Variants in RNF8 observed in about 807,000 individuals in gnomAD.
RNF8 encodes E3 ubiquitin-protein ligase RNF8.
In RNF8, 8 loss-of-function variants were observed where a neutral mutation model predicts 59.3. The observed-to-expected ratio is 0.13, with a 90% CI of 0.08 to 0.24. RNF8 has a LOEUF of 0.24. Ranked by LOEUF, RNF8 falls within the 10% of genes least tolerant of loss-of-function variation. The pLI is 1.00. For synonymous variants in RNF8, 162 were observed against 200.0 expected (o/e 0.81, Z 1.60); for missense variants, 406 against 572.6 (o/e 0.71, Z 2.97).
chr6:37,356,982 G>A (rs564455600), intron 1 of RNF8, among the ~76,000 whole-genome samples: 92 of 152,302 alleles, frequency 6.0e-4, no homozygotes, highest in African/African-American at 2.0e-3. Context: ...CATGTGATCC[G>A]CCCGCCTGGG....
chr6:37,383,346 A>G (rs1366459044), intron 7 of RNF8, among the ~76,000 whole-genome samples: 1 of 152,164 alleles, frequency 6.6e-6, no homozygotes, highest in Non-Finnish European at 1.5e-5. Flanking sequence ...TTAAATACCA[A>G]CCTTCCTTCC....
chr6:37,356,275 C>A (rs901391855), intron 1 of RNF8, among the ~76,000 whole-genome samples: 3 of 152,146 alleles, frequency 2.0e-5, no homozygotes, highest in African/African-American at 7.2e-5. Flanking sequence ...AAGGTCAGGT[C>A]GTAGCATAGC....
chr6:37,381,687 A>G (rs937535886), intron 7 of RNF8, among the ~76,000 whole-genome samples: 2 of 152,188 alleles, frequency 1.3e-5, no homozygotes, highest in Admixed American at 1.3e-4. Flanking sequence ...TGTTGTCAAG[A>G]CACTTCAGTT....
chr6:37,369,257 G>GGT (rs773881639), intron 3 of RNF8, 39 bp downstream of exon 3: 1 of 1,538,428 alleles, frequency 6.5e-7, no homozygotes, highest in Non-Finnish European at 8.7e-7. Context: ...GGTCTTCAGG[G>GGT]GTGGGGCAGG....
At chr6:37,377,627 A>G (rs1389012664) in intron 6 of RNF8, among the ~76,000 whole-genome samples, 1 of 152,164 alleles carries the variant, frequency 6.6e-6, no homozygotes, top group African/African-American at 2.4e-5. Flanking sequence ...TGAAGCCTTT[A>G]TCTCTTTGTT....
rs555004277 is a variant in RNF8, at chr6:37,388,067, TTAGTCTGGCTG to T, written c.1442-2670_1442-2660del. Among the ~76,000 whole-genome samples, 5 of 152,214 alleles carry T rather than the reference TTAGTCTGGCTG, an allele frequency of 3.3e-5. No individual in the cohort carries two copies. The South Asian group carries it at 1.0e-3, about 32-fold the overall frequency. On this transcript the variant is annotated intron_variant, in intron 7 of 7. Transcript: ENST00000373479. ...TGATGTTTGTGTTTTTCTGGATAGG[TTAGTCTGGCTG>T]TAGTGAAGAGACGACATGGTGCTGG...
chr6:37,361,711 C>T (rs1032460532), intron 2 of RNF8, among the ~76,000 whole-genome samples: 8 of 152,182 alleles, frequency 5.3e-5, no homozygotes, highest in South Asian at 2.1e-4. Context: ...CCTCATATTG[C>T]GTGCATAAAA....
intron 7 of RNF8, among the ~76,000 whole-genome samples, chr6:37,385,984 G>A (rs1211614108): frequency 1.3e-5 from 2 of 151,464 alleles, no homozygotes; most frequent in Non-Finnish European, 2.9e-5. Flanking sequence ...ACAGGCATGT[G>A]CCACCACACC....
chr6:37,371,487 C>T (rs1769803895), intron 3 of RNF8, 25 bp from the exon 4 acceptor site: 2 of 1,608,516 alleles, frequency 1.2e-6, no homozygotes, highest in Non-Finnish European at 1.7e-6. Flanking sequence ...GCAGAGAAAC[C>T]TTCCATTTTG....
intron 7 of RNF8, among the ~76,000 whole-genome samples, chr6:37,382,761 C>T (rs1470807125): frequency 1.3e-5 from 2 of 152,100 alleles, no homozygotes; most frequent in African/African-American, 4.8e-5. Flanking sequence ...GGGCAGATCA[C>T]GAAGTCAGGA....
intron 6 of RNF8, among the ~76,000 whole-genome samples, chr6:37,378,600 C>CAAAAAA (rs554259061): frequency 1.2e-4 from 7 of 56,518 alleles, no homozygotes; most frequent in Admixed American, 1.9e-4. Context: ...GACTCCGTCT[C>CAAAAAA]AAAAAAAAAA....
intron 7 of RNF8, among the ~76,000 whole-genome samples, chr6:37,382,404 T>C (rs1040119614): frequency 1.3e-5 from 2 of 152,342 alleles, no homozygotes; most frequent in African/African-American, 2.4e-5. Flanking sequence ...AGCAGTGACC[T>C]GTCCTGCCCC....
intron 1 of RNF8, chr6:37,359,343 G>T (rs1013156047): frequency 5.6e-6 from 2 of 354,926 alleles, no homozygotes; most frequent in Admixed American, 7.8e-5. Flanking sequence ...CTGGCTGAAG[G>T]TATATCCAGA....
intron 7 of RNF8, among the ~76,000 whole-genome samples, chr6:37,386,167 C>G (rs185296701): frequency 1.3e-5 from 2 of 152,066 alleles, no homozygotes; most frequent in Admixed American, 6.6e-5. Flanking sequence ...CTTATTGGCA[C>G]CTCAGAATAC....
chr6:37,368,827 T>C lies in RNF8; in HGVS notation c.584T>C (p.Val195Ala), dbSNP rs1191530215. The C allele has an allele frequency of 6.2e-7, 1 of 1,614,000 alleles. No homozygotes were observed. The highest frequency in any genetic ancestry group is 8.5e-7 in the Non-Finnish European group (1 of 1,180,022). Residue 195 changes from valine to alanine, a missense_variant, in exon 3 of 8, where the codon GTG (valine) becomes GCG (alanine). Coordinates refer to ENST00000373479, the MANE Select transcript of RNF8 (RefSeq NM_003958.4). ...QPVKSQGKGEVASTPSDNLDP... is the reference protein window; with the variant it reads ...QPVKSQGKGEAASTPSDNLDP... ...GTGAAATCACAGGGGAAAGGTGAAG[T>C]GGCCAGTACACCCTCTGACAATTTG...
chr6:37,354,088 G>A lies in RNF8; in HGVS notation c.-77G>A. On this transcript the variant is annotated 5_prime_UTR_variant, in exon 1 of 8. Coordinates refer to ENST00000373479, the MANE Select transcript of RNF8 (RefSeq NM_003958.4). ...TGTCTGTTATTTAGATATGGAAGCT[G>A]AGGGGATGCACAGAGGCAGCCAGAA... 1.7e-6 allele frequency: 2 copies of A among 1,167,770 alleles called. No individual in the cohort carries two copies. 72.3% of individuals were successfully genotyped at this position (1,167,770 alleles called of 1,614,324 possible).
At chr6:37,386,892 A>G (rs1455232810) in intron 7 of RNF8, among the ~76,000 whole-genome samples, 1 of 152,164 alleles carries the variant, frequency 6.6e-6, no homozygotes, top group Non-Finnish European at 1.5e-5. Flanking sequence ...ATTTTTAGTG[A>G]TAACACAGTT....
chr6:37,360,468 G>C lies in RNF8; in HGVS notation c.134G>C (p.Gly45Ala). The C allele has an allele frequency of 6.2e-7, 1 of 1,613,940 alleles. No individual in the cohort carries two copies. The highest frequency in any genetic ancestry group is 1.1e-5 in the South Asian group (1 of 91,072). Residue 45 changes from glycine (G) to alanine (A), a missense_variant, in exon 2 of 8, where the codon GGT becomes GCT. By Grantham distance (60) the Gly-to-Ala change is moderately conservative. Transcript: ENST00000373479. This position sits in a 1 kb window ranked among gnomAD's most constrained non-coding sequence, Gnocchi z 4.2. ...GCEVTVGRGFGVTYQLVSKIC... is the reference protein window; with the variant it reads ...GCEVTVGRGFAVTYQLVSKIC... ...CAGGTGACTGTAGGACGAGGATTTGGTGTCACATACCAACTGGTATCAAAA... is the reference window on the plus strand; with the variant it reads ...CAGGTGACTGTAGGACGAGGATTTGCTGTCACATACCAACTGGTATCAAAA...
chr6:37,377,506 G>C (rs1413306709), intron 6 of RNF8, among the ~76,000 whole-genome samples: 1 of 152,136 alleles, frequency 6.6e-6, no homozygotes, highest in Non-Finnish European at 1.5e-5. Context: ...CACCTCTAGA[G>C]ATGACCACCT....
Sources: gnomAD v4.1 joint callset for allele counts (sites outside exome capture counted in the v4.1 genomes callset) on GRCh38, gnomAD v4.1.1 for gene constraint, Gnocchi (gnomAD v3.1) non-coding constraint, MANE v1.5 for transcripts, NCBI Gene and HGNC (gene_info 2026-07-23, HGNC 2026-07-21) for gene names.